ZNF804B: variants seen among roughly 807,000 people sequenced by gnomAD.
ZNF804B encodes zinc finger 804B.
In ZNF804B, 80 loss-of-function variants were observed where a neutral mutation model predicts 101.4. The ratio of observed to expected loss-of-function variants is 0.79; its 90% confidence interval spans 0.66 to 0.95. The LOEUF (loss-of-function observed/expected upper bound fraction) is 0.95, where lower values mean the gene tolerates loss of function less well. ZNF804B is among the 40% of genes least tolerant of loss of function. The pLI, the probability that ZNF804B is intolerant of heterozygous loss-of-function variation, is 0.00. For synonymous variants in ZNF804B, 622 were observed against 558.8 expected (o/e 1.11, Z -1.59); for missense variants, 1,673 against 1,561.9 (o/e 1.07, Z -1.20).
chr7:89,024,958 G>A (rs1278383505), intron 1 of ZNF804B, among the ~76,000 whole-genome samples: 1 of 151,940 alleles, frequency 6.6e-6, no homozygotes, highest in Admixed American at 6.6e-5. Flanking sequence ...ACAGATGAAA[G>A]CTTTGAGCGA....
chr7:88,871,920 A>G (rs1293316679), intron 1 of ZNF804B, among the ~76,000 whole-genome samples: 1 of 152,104 alleles, frequency 6.6e-6, no homozygotes, highest in African/African-American at 2.4e-5. Context: ...GTAAGCCAAG[A>G]TTGCGCCATT....
chr7:88,812,680 A>G (rs10266690), intron 1 of ZNF804B, among the ~76,000 whole-genome samples: 51,092 of 152,056 alleles, frequency 0.34, 9,100 homozygotes, highest in East Asian at 0.51. Context: ...GTACATGTGT[A>G]TGTACGTATA....
At chr7:89,129,002 T>C (rs543727075) in intron 1 of ZNF804B, among the ~76,000 whole-genome samples, 2 of 152,122 alleles carry the variant, frequency 1.3e-5, no homozygotes, top group South Asian at 4.1e-4. Context: ...TTGTGCTGAC[T>C]GCTCCACAAT....
At chr7:88,859,362 T>C (rs1194148036) in intron 1 of ZNF804B, among the ~76,000 whole-genome samples, 1 of 152,118 alleles carries the variant, frequency 6.6e-6, no homozygotes, top group Non-Finnish European at 1.5e-5. Context: ...TTACAAAAAC[T>C]GATATAAGCC....
intron 1 of ZNF804B, among the ~76,000 whole-genome samples, chr7:88,810,839 A>G (rs1327388506): frequency 6.6e-6 from 1 of 152,202 alleles, no homozygotes; most frequent in Non-Finnish European, 1.5e-5. Flanking sequence ...GTCTATGAAC[A>G]TCTTTGAATC....
intron 1 of ZNF804B, among the ~76,000 whole-genome samples, chr7:89,166,437 G>A (rs376744366): frequency 1.8e-4 from 27 of 152,162 alleles, no homozygotes; most frequent in African/African-American, 6.5e-4. Context: ...AGTGAGCTAG[G>A]AAAAATGTTA....
chr7:89,170,471 G>A (rs571289135), intron 1 of ZNF804B, among the ~76,000 whole-genome samples: 60 of 152,242 alleles, frequency 3.9e-4, no homozygotes, highest in South Asian at 1.0e-3. Context: ...AAAAGTAAAG[G>A]TTTCTTTCTT....
At chr7:88,803,442 T>A (rs2115716688) in intron 1 of ZNF804B, among the ~76,000 whole-genome samples, 1 of 152,188 alleles carries the variant, frequency 6.6e-6, no homozygotes, top group Non-Finnish European at 1.5e-5. Context: ...TACTACTGAG[T>A]AAAAGGTGAG....
intron 2 of ZNF804B, among the ~76,000 whole-genome samples, chr7:89,234,884 C>T (rs892585660): frequency 6.6e-6 from 1 of 152,110 alleles, no homozygotes; most frequent in African/African-American, 2.4e-5. Context: ...ACTGGCTTCT[C>T]TGGTTCTCCA....
intron 1 of ZNF804B, among the ~76,000 whole-genome samples, chr7:89,151,696 T>C (rs1158786751): frequency 7.8e-6 from 1 of 128,444 alleles, no homozygotes; most frequent in Non-Finnish European, 1.7e-5. Flanking sequence ...TCTTCAGATC[T>C]CCTGAAAAAA....
chr7:89,069,586 G>C (rs1370693106), intron 1 of ZNF804B, among the ~76,000 whole-genome samples: 1 of 151,884 alleles, frequency 6.6e-6, no homozygotes, highest in Non-Finnish European at 1.5e-5. Context: ...TAAGCATTTT[G>C]AGTGTTATGC....
chr7:89,234,659 C>T (rs1036184279), intron 2 of ZNF804B, among the ~76,000 whole-genome samples: 2 of 152,118 alleles, frequency 1.3e-5, no homozygotes, highest in Admixed American at 6.6e-5. Flanking sequence ...TCTGTTTCCT[C>T]GTCTCTCCCC....
chr7:89,121,504 A>G (rs1164947906), intron 1 of ZNF804B, among the ~76,000 whole-genome samples: 2 of 152,206 alleles, frequency 1.3e-5, no homozygotes, highest in African/African-American at 4.8e-5. Flanking sequence ...TTTTATGTAT[A>G]ATCTGCCAGA....
intron 1 of ZNF804B, among the ~76,000 whole-genome samples, chr7:89,138,852 T>C (rs192377262): frequency 8.5e-5 from 13 of 152,248 alleles, no homozygotes; most frequent in Admixed American, 7.9e-4. Flanking sequence ...CATGACTTAC[T>C]CTTCTTTATC....
chr7:89,078,864 A>C (rs1789650944), intron 1 of ZNF804B, among the ~76,000 whole-genome samples: 1 of 152,056 alleles, frequency 6.6e-6, no homozygotes, highest in Non-Finnish European at 1.5e-5. Flanking sequence ...CTTTCAAACC[A>C]TGATATTATA....
At chr7:88,845,581 G>GTT (rs576402162) in intron 1 of ZNF804B, among the ~76,000 whole-genome samples, 1,482 of 147,880 alleles carry the variant, frequency 0.01, 22 homozygotes, top group African/African-American at 0.034. Flanking sequence ...TTTGCTCAGG[G>GTT]TTTTTTTTTT....
intron 1 of ZNF804B, among the ~76,000 whole-genome samples, chr7:89,058,607 T>C (rs561818128): frequency 6.6e-6 from 1 of 152,220 alleles, no homozygotes; most frequent in South Asian, 2.1e-4. Flanking sequence ...GGGGGTCTGG[T>C]AGTACATGAA....
At chr7:89,084,460 T>C (rs550765488) in intron 1 of ZNF804B, among the ~76,000 whole-genome samples, 1 of 152,078 alleles carries the variant, frequency 6.6e-6, no homozygotes, top group Admixed American at 6.6e-5. Context: ...TACCAGATTA[T>C]ATCAGATTTT....
At chr7:89,166,960 A>G (rs907291921) in intron 1 of ZNF804B, among the ~76,000 whole-genome samples, 8 of 152,162 alleles carry the variant, frequency 5.3e-5, no homozygotes, top group Non-Finnish European at 1.0e-4. Context: ...GGTACCAGGT[A>G]GGGTCGGTAT....
Sources: allele counts gnomAD v4.1 joint callset (sites outside exome capture counted in the v4.1 genomes callset), GRCh38; gene constraint gnomAD v4.1.1; transcripts MANE v1.5; gene names NCBI Gene and HGNC (gene_info 2026-07-23, HGNC 2026-07-21).